Variants in EDEM3 observed in about 807,000 individuals in gnomAD.
EDEM3 encodes ER degradation-enhancing alpha-mannosidase-like protein 3.
Under a neutral mutation model 110.2 loss-of-function variants are expected in EDEM3, and 60 were observed. The observed-to-expected ratio is 0.54, with a 90% CI of 0.44 to 0.67. The LOEUF (loss-of-function observed/expected upper bound fraction) is 0.67, where lower values mean the gene tolerates loss of function less well. Ranked by LOEUF, EDEM3 falls within the 30% of genes least tolerant of loss-of-function variation. The pLI is 0.00. For missense variants in EDEM3, 996 were observed against 1,121.0 expected (o/e 0.89, Z 1.59); for synonymous variants, 352 against 382.9 (o/e 0.92, Z 0.94).
At position 184,708,307 on chromosome 1, in the gene EDEM3, A is replaced by C. The variant is rs1650043493; in HGVS notation, c.1883T>G (p.Phe628Cys). The change falls in exon 17 of 20, where the codon TTC becomes TGC. Residue 628 changes from phenylalanine (F) to cysteine (C), a missense_variant. Around this residue, in one of 5 missense-constraint regions of EDEM3, gnomAD observed 345 missense variants for 402.0 expected, o/e 0.86. Coordinates refer to ENST00000318130, the MANE Select transcript of EDEM3 (RefSeq NM_025191.4). ...SSIDAEDGLR[F>C]MQEMIELSSQ... ...TGACAATTCAATCATCTCCTGCATG[A>C]ACCTCAACCCATCTTCAGCGTCGAT... is the stretch of plus-strand genomic sequence containing the variant. The C allele has an allele frequency of 6.2e-7, 1 of 1,613,248 alleles. No homozygotes were observed. Among genetic ancestry groups the C allele is most frequent in the Non-Finnish European group, 8.5e-7 (1 of 1,179,786 alleles).
At chr1:184,711,384 G>C (rs1055371270) in intron 15 of EDEM3, among the ~76,000 whole-genome samples, 14 of 152,224 alleles carry the variant, frequency 9.2e-5, no homozygotes, top group African/African-American at 3.4e-4. Context: ...ACAGGCGTGA[G>C]CTATCATGCC....
rs1651722092 is a variant in EDEM3, at chr1:184,734,610, C to T, written c.379G>A (p.Val127Met). Residue 127 changes from valine to methionine, a missense_variant, in exon 5 of 20, where the codon GTG (valine) becomes ATG (methionine). Val to Met is a conservative substitution (Grantham distance 21). Transcript: ENST00000318130. ...LNKTKEFEDAVRKVLRDVNLD... is the reference protein window; with the variant it reads ...LNKTKEFEDAMRKVLRDVNLD... The stretch of plus-strand genomic sequence containing the variant: ...TTAACATCTCTTAAAACTTTTCTCA[C>T]TGCATCTTCAAATTCTTTAGTTTTA... 6.5e-7 allele frequency: 1 copy of T among 1,534,400 alleles called. No individual in the cohort carries two copies. The highest frequency in any genetic ancestry group is 8.8e-7 in the Non-Finnish European group (1 of 1,132,948).
chr1:184,737,594 CCT>C lies in EDEM3; in HGVS notation c.305+15_305+16del. The C allele has an allele frequency of 1.9e-6, 3 of 1,612,064 alleles. No individual in the cohort carries two copies. The highest frequency in any genetic ancestry group is 2.5e-6 in the Non-Finnish European group (3 of 1,178,330). On this transcript the variant is annotated intron_variant, in intron 3 of 19. Coordinates refer to ENST00000318130, the MANE Select transcript of EDEM3 (RefSeq NM_025191.4). ...GGAACTCTGAGATGCCATGCCATGC[CCT>C]GTGTTAATACTCACTTTCCCAAGGC... is the stretch of plus-strand genomic sequence containing the variant.
At chr1:184,728,484 A>C (rs895562163) in intron 6 of EDEM3, among the ~76,000 whole-genome samples, 3 of 152,214 alleles carry the variant, frequency 2.0e-5, no homozygotes, top group African/African-American at 7.2e-5. Flanking sequence ...TGTATATTGA[A>C]CTGTACCCCA....
At chr1:184,731,185 G>C (rs946079589) in intron 6 of EDEM3, among the ~76,000 whole-genome samples, 15 of 152,106 alleles carry the variant, frequency 9.9e-5, no homozygotes, top group African/African-American at 3.6e-4. Flanking sequence ...TATCTGTCTT[G>C]GATAAGAGGG....
intron 19 of EDEM3, chr1:184,701,552 T>C: frequency 7.8e-7 from 1 of 1,280,140 alleles, no homozygotes; most frequent in Non-Finnish European, 1.0e-6. Context: ...CTGCTGAAAT[T>C]CCAGTGGTAG....
chr1:184,747,606 T>C (rs910415116), intron 2 of EDEM3, among the ~76,000 whole-genome samples: 1 of 152,222 alleles, frequency 6.6e-6, no homozygotes, highest in Non-Finnish European at 1.5e-5. Flanking sequence ...TGGACACGTA[T>C]GGTCCCACTG....
At chr1:184,730,635 A>G (rs1004959478) in intron 6 of EDEM3, among the ~76,000 whole-genome samples, 2 of 152,204 alleles carry the variant, frequency 1.3e-5, no homozygotes, top group African/African-American at 2.4e-5. Flanking sequence ...TATTTAAAAT[A>G]TCAACTAGAA....
chr1:184,705,789 C>G (rs1332384582), intron 18 of EDEM3, among the ~76,000 whole-genome samples: 2 of 152,050 alleles, frequency 1.3e-5, no homozygotes, highest in Non-Finnish European at 2.9e-5. Context: ...TCTTACAGTT[C>G]TTTCTGAATG....
At chr1:184,723,705 AT>A in intron 8 of EDEM3, 45 bp downstream of exon 8, 1 of 1,371,788 alleles carries the variant, frequency 7.3e-7, no homozygotes. Flanking sequence ...TTTCCCAACC[AT>A]TTTGAGGATG....
At position 184,706,829 on chromosome 1, in the gene EDEM3, T is replaced by A. The variant is rs748577134; in HGVS notation, c.2038-21A>T. 4 of 1,609,592 alleles carry A rather than the reference T, an allele frequency of 2.5e-6. No homozygotes were observed. The South Asian group carries it at 4.4e-5, about 18-fold the overall frequency. ...CTTGTCTGTCAGAAATAAAAGCAAC[T>A]TAAATACTTTAATCTTCTCAAATGG... is the stretch of plus-strand genomic sequence containing the variant. On this transcript the variant is annotated intron_variant, in intron 17 of 19. Coordinates refer to ENST00000318130, the MANE Select transcript of EDEM3 (RefSeq NM_025191.4).
intron 19 of EDEM3, among the ~76,000 whole-genome samples, chr1:184,701,259 A>G (rs954795437): frequency 1.3e-5 from 2 of 152,074 alleles, no homozygotes; most frequent in African/African-American, 4.8e-5. Flanking sequence ...CCTTTGTTAG[A>G]GTGACTCTTG....
chr1:184,721,171 A>T (rs764935320), intron 9 of EDEM3, 118 bp downstream of exon 9: 2 of 791,878 alleles, frequency 2.5e-6, no homozygotes, highest in Non-Finnish European at 4.0e-6. Context: ...AAATACTGAC[A>T]CAAAACCACT....
intron 6 of EDEM3, among the ~76,000 whole-genome samples, chr1:184,727,019 C>T (rs1651230847): frequency 6.6e-6 from 1 of 152,186 alleles, no homozygotes; most frequent in Admixed American, 6.5e-5. Flanking sequence ...AGGCCACGAG[C>T]GGTAGCTCAT....
chr1:184,725,349 T>C (rs1571388702), intron 7 of EDEM3, among the ~76,000 whole-genome samples: 1 of 152,246 alleles, frequency 6.6e-6, no homozygotes, highest in Non-Finnish European at 1.5e-5. Flanking sequence ...TCCTCACCTG[T>C]AACTGCATCA....
rs1179707092 is a variant in EDEM3, at chr1:184,749,567, G to C, written c.184C>G (p.His62Asp). ...CTTACCATATAGTTACCATAAGCAT[G>C]ATCAAACATTTCCAGTACTTGATTC... The part of the protein sequence containing the change: ...LGNQVLEMFD[H>D]AYGNYMEHAY... Residue 62 changes from histidine to aspartate, a missense_variant, in exon 2 of 20, where the codon CAT (histidine) becomes GAT (aspartate). By Grantham distance (81) the His-to-Asp change is moderately conservative. This residue lies in a region of EDEM3 where 200 missense variants were observed against 183.8 expected (regional missense o/e 1.09). Coordinates refer to ENST00000318130, the MANE Select transcript of EDEM3 (RefSeq NM_025191.4). 6.5e-7 allele frequency: 1 copy of C among 1,538,016 alleles called. No homozygotes were observed. The highest frequency in any genetic ancestry group is 1.5e-5 in the African/African-American group (1 of 68,386).
chr1:184,700,060 T>C (rs1194368452), intron 19 of EDEM3, among the ~76,000 whole-genome samples: 1 of 151,958 alleles, frequency 6.6e-6, no homozygotes, highest in African/African-American at 2.4e-5. Flanking sequence ...TGTTCAACAA[T>C]AGACTGTGGA....
At chr1:184,738,383 G>A (rs1055463349) in intron 2 of EDEM3, among the ~76,000 whole-genome samples, 1 of 152,136 alleles carries the variant, frequency 6.6e-6, no homozygotes, top group Non-Finnish European at 1.5e-5. Flanking sequence ...CCTGACTCCA[G>A]AGTCTATCCC....
At position 184,711,846 on chromosome 1, in the gene EDEM3, T is replaced by C. The variant is rs534471113; in HGVS notation, c.1568A>G (p.Asn523Ser). 6.8e-6 allele frequency: 11 copies of C among 1,613,200 alleles called. No homozygotes were observed. In the East Asian group the frequency reaches 1.8e-4, roughly 26 times the overall value. The change falls in exon 15 of 20, where the codon AAC (asparagine) becomes AGC (serine). Residue 523 changes from asparagine (N) to serine (S), a missense_variant. Asn to Ser is a conservative substitution (Grantham distance 46). Around this residue, in one of 5 missense-constraint regions of EDEM3, gnomAD observed 138 missense variants for 124.3 expected, o/e 1.11. Transcript: ENST00000318130. ...AGTATTTGGACAAGTCCAATCGAAG[T>C]TACTGTCATCCAGTTCTGTATATTC... ...TSEYTELDDS[N>S]FDWTCPNTQI...
Sources: gnomAD v4.1 joint callset for allele counts (sites outside exome capture counted in the v4.1 genomes callset) on GRCh38, gnomAD v4.1.1 for gene constraint, gnomAD v4.1.1 regional missense constraint, MANE v1.5 for transcripts, NCBI Gene and HGNC (gene_info 2026-07-23, HGNC 2026-07-21) for gene names.